The following GALNT18 variants were observed in gnomAD, a reference collection of about 807,000 sequenced individuals.
GALNT18 encodes the protein polypeptide N-acetylgalactosaminyltransferase 18, also known as GalNAc-transferase 18.
In GALNT18, 44 loss-of-function variants were observed where a neutral mutation model predicts 69.5. The ratio of observed to expected loss-of-function variants is 0.63; its 90% CI spans 0.50 to 0.81. The LOEUF (loss-of-function observed/expected upper bound fraction) is 0.81, where lower values mean the gene tolerates loss of function less well. Ranked by LOEUF, GALNT18 falls within the 40% of genes least tolerant of loss-of-function variation. The pLI is 0.00. For synonymous variants in GALNT18, 364 were observed against 318.2 expected, an observed-to-expected ratio of 1.14 and a Z score of -1.53; for missense variants, 715 against 810.0, an observed-to-expected ratio of 0.88 and a Z score of 1.42.
intron 6 of GALNT18, among the ~76,000 whole-genome samples, chr11:11,358,130 C>T (rs1377273684): frequency 2.2e-5 from 2 of 91,826 alleles, no homozygotes; most frequent in Non-Finnish European, 5.3e-5. Context: ...CAGAAATGGT[C>T]ACATAGAGGG....
chr11:11,600,796 A>G lies in GALNT18; in HGVS notation c.235+20563T>C, dbSNP rs950859346. Among the ~76,000 whole-genome samples, 1 of 151,966 alleles carries G rather than the reference A, an allele frequency of 6.6e-6. No individual in the cohort carries two copies. The highest frequency in any genetic ancestry group is 6.6e-5 in the Admixed American group (1 of 15,256). On this transcript the variant is annotated intron_variant, in intron 1 of 10. Transcript: ENST00000227756. This position sits in a 1 kb window ranked among gnomAD's most constrained non-coding sequence, Gnocchi z 4.8. ...ACATTGCTGTATTTAATGGTGTTCC[A>G]TGTTTTTCTAAAGCTCTGCATATTT... is the stretch of plus-strand genomic sequence containing the variant.
At chr11:11,278,110 C>T (rs1848987145) in intron 10 of GALNT18, among the ~76,000 whole-genome samples, 1 of 151,596 alleles carries the variant, frequency 6.6e-6, no homozygotes, top group African/African-American at 2.4e-5. Flanking sequence ...GTGTTAAAGT[C>T]TCCCACTATT....
At chr11:11,534,816 C>T (rs997333151) in intron 1 of GALNT18, among the ~76,000 whole-genome samples, 6 of 152,222 alleles carry the variant, frequency 3.9e-5, no homozygotes, top group Non-Finnish European at 8.8e-5. Flanking sequence ...ACCTGTCCTG[C>T]GAGGTATGCT....
chr11:11,605,133 G>A lies in GALNT18; in HGVS notation c.235+16226C>T, dbSNP rs1859717896. 6.6e-6 allele frequency among the ~76,000 whole-genome samples: 1 copy of A among 152,184 alleles called. No individual in the cohort carries two copies. Among genetic ancestry groups the A allele is most frequent in the African/African-American group, 2.4e-5 (1 of 41,444 alleles). On this transcript the variant is annotated intron_variant, in intron 1 of 10. Transcript: ENST00000227756. This position sits in a 1 kb window ranked among gnomAD's most constrained non-coding sequence, Gnocchi z 4.7. ...CTAATGGGCTGTGCTGTCCCGACAG[G>A]CAGAGTCTGAGGAGGAACTTTTACT...
At chr11:11,486,169 C>T (rs142216827) in intron 1 of GALNT18, among the ~76,000 whole-genome samples, 94 of 152,294 alleles carry the variant, frequency 6.2e-4, no homozygotes, top group African/African-American at 2.2e-3. Context: ...GGCCTGCTGG[C>T]ACCTGGGCCA....
intron 3 of GALNT18, among the ~76,000 whole-genome samples, chr11:11,422,317 C>T (rs531225883): frequency 6.3e-4 from 96 of 152,356 alleles, no homozygotes; most frequent in African/African-American, 2.2e-3. Context: ...CAACCTCAGG[C>T]AGCAAGGAGC....
chr11:11,446,783 C>A (rs975569446), intron 2 of GALNT18, among the ~76,000 whole-genome samples: 1 of 152,184 alleles, frequency 6.6e-6, no homozygotes, highest in Admixed American at 6.5e-5. Context: ...TAGCATATTG[C>A]TAATCTGCTC....
At chr11:11,448,607 C>T (rs1053146345) in intron 2 of GALNT18, 137 bp downstream of exon 2, 64 of 613,954 alleles carry the variant, frequency 1.0e-4, no homozygotes, top group Admixed American at 5.3e-4. Flanking sequence ...GAACGCAAGC[C>T]GAGGGGACAG....
intron 1 of GALNT18, among the ~76,000 whole-genome samples, chr11:11,550,602 C>T (rs1166113426): frequency 1.3e-5 from 2 of 152,198 alleles, no homozygotes; most frequent in African/African-American, 4.8e-5. Context: ...ATTACAAGTG[C>T]ATAGGATACT....
At position 11,340,419 on chromosome 11, in the gene GALNT18, G is replaced by A. The variant is rs535983578; in HGVS notation, c.1278+400C>T. Among the ~76,000 whole-genome samples the A allele has an allele frequency of 6.6e-6, 1 of 152,312 alleles. No individual in the cohort carries two copies. The highest frequency in any genetic ancestry group is 2.4e-5 in the African/African-American group (1 of 41,562). On this transcript the variant is annotated intron_variant, in intron 7 of 10. Coordinates refer to ENST00000227756, the MANE Select transcript of GALNT18 (RefSeq NM_198516.3). The surrounding 1 kb of genome is among the most constrained non-coding windows in gnomAD (Gnocchi z 4.2). Reference sequence around the variant, plus strand: ...CAATGGAGAAGTTTGAACCTAATCTGTAGGAAGATTAAGATGCTTTTTGTA... The same window carrying A: ...CAATGGAGAAGTTTGAACCTAATCTATAGGAAGATTAAGATGCTTTTTGTA...
At chr11:11,594,814 G>C (rs913996406) in intron 1 of GALNT18, among the ~76,000 whole-genome samples, 4 of 61,102 alleles carry the variant, frequency 6.5e-5, no homozygotes, top group Non-Finnish European at 1.0e-4. Flanking sequence ...AATTATCTTG[G>C]GCATATATAT....
At chr11:11,610,378 G>C (rs1859864749) in intron 1 of GALNT18, among the ~76,000 whole-genome samples, 1 of 152,180 alleles carries the variant, frequency 6.6e-6, no homozygotes, top group Non-Finnish European at 1.5e-5. Flanking sequence ...CTGTGAAATG[G>C]GGATAATAAC....
At chr11:11,317,263 T>C (rs1849772706) in intron 9 of GALNT18, among the ~76,000 whole-genome samples, 1 of 152,244 alleles carries the variant, frequency 6.6e-6, no homozygotes, top group Non-Finnish European at 1.5e-5. Context: ...GTGAACTTTT[T>C]AAATGGCACT....
chr11:11,445,779 C>T (rs1855635133), intron 2 of GALNT18, among the ~76,000 whole-genome samples: 6 of 152,180 alleles, frequency 3.9e-5, no homozygotes, highest in Admixed American at 3.9e-4. Flanking sequence ...AAGGGGCTGA[C>T]AGAAGTTGCT....
rs1303832539 is a variant in GALNT18 at position 11,605,735 on chromosome 11, G to A, written c.235+15624C>T. ...TTTCTGGCATTATTCTCTGCTTTTC[G>A]TGCAGTTTACTTTTTACCTTCTGCA... is the stretch of plus-strand genomic sequence containing the variant. On this transcript the variant is annotated intron_variant, in intron 1 of 10. Coordinates refer to ENST00000227756, the MANE Select transcript of GALNT18 (RefSeq NM_198516.3). The surrounding 1 kb of genome is among the most constrained non-coding windows in gnomAD (Gnocchi z 4.7). 6.6e-5 allele frequency among the ~76,000 whole-genome samples: 10 copies of A among 152,028 alleles called. No homozygotes were observed. Among genetic ancestry groups the A allele is most frequent in the East Asian group, 1.9e-4 (1 of 5,186 alleles).
At chr11:11,273,852 A>G (rs949010411) in intron 10 of GALNT18, among the ~76,000 whole-genome samples, 1 of 152,130 alleles carries the variant, frequency 6.6e-6, no homozygotes, top group Non-Finnish European at 1.5e-5. Context: ...GGATGGAATA[A>G]TATTTAACCA....
intron 1 of GALNT18, among the ~76,000 whole-genome samples, chr11:11,547,952 T>C (rs1460571873): frequency 6.6e-6 from 1 of 152,134 alleles, no homozygotes; most frequent in East Asian, 1.9e-4. Flanking sequence ...TCCCTCCGCC[T>C]GAAACTCCCA....
intron 9 of GALNT18, among the ~76,000 whole-genome samples, chr11:11,296,571 T>C (rs1374958698): frequency 6.6e-6 from 1 of 152,200 alleles, no homozygotes; most frequent in African/African-American, 2.4e-5. Flanking sequence ...GCCTGGTTCT[T>C]GTCTCTGGAG....
intron 6 of GALNT18, among the ~76,000 whole-genome samples, chr11:11,362,008 A>T (rs563977914): frequency 6.6e-6 from 1 of 152,310 alleles, no homozygotes; most frequent in East Asian, 1.9e-4. Context: ...AAAATAGAAA[A>T]TCCAGAAACA....
Sources: gnomAD v4.1 joint callset for allele counts (sites outside exome capture counted in the v4.1 genomes callset) on GRCh38, gnomAD v4.1.1 for gene constraint, Gnocchi (gnomAD v3.1) non-coding constraint, MANE v1.5 for transcripts, NCBI Gene and HGNC (gene_info 2026-07-23, HGNC 2026-07-21) for gene names.